Variants in LXN observed in about 807,000 individuals in gnomAD.
LXN encodes MUM.
In LXN, 28 loss-of-function variants were observed where a neutral mutation model predicts 29.8. The ratio of observed to expected loss-of-function variants is 0.94; its 90% CI spans 0.70 to 1.29. LXN has a LOEUF of 1.29. LXN is among the 50% of genes most tolerant of loss of function. LXN has a pLI of 0.00. For synonymous variants in LXN, 77 were observed against 89.6 expected, an observed-to-expected ratio of 0.86 and a Z score of 0.80; for missense variants, 227 against 261.7, an observed-to-expected ratio of 0.87 and a Z score of 0.92.
intron 4 of LXN, among the ~76,000 whole-genome samples, chr3:158,668,594 GATGC>G (rs1022443009): frequency 6.6e-6 from 1 of 152,206 alleles, no homozygotes; most frequent in Non-Finnish European, 1.5e-5. Context: ...TGATTACCGT[GATGC>G]TTTTTGAAAG....
chr3:158,672,592 A>C lies in LXN; in HGVS notation c.-114T>G. ...CCGGTTGCCGAGGCGGAAAAGTCGC[A>C]AGCTCCTTCAGTCAGTCTTCTTCCT... On this transcript the variant is annotated 5_prime_UTR_variant, in exon 1 of 6. Transcript: ENST00000264265. 3 of 1,310,814 alleles carry C rather than the reference A, an allele frequency of 2.3e-6. No individual in the cohort carries two copies. The highest frequency in any genetic ancestry group is 3.8e-5 in the Admixed American group (2 of 52,162). The allele number at this position is 1,310,814 out of a possible 1,614,324, so 81.2% of individuals were successfully genotyped here. A position where few individuals can be genotyped will look rare whatever the true frequency, so the allele number is the denominator to read the frequency against.
At chr3:158,666,916 T>G in intron 5 of LXN, 96 bp downstream of exon 5, 7 of 1,520,078 alleles carry the variant, frequency 4.6e-6, no homozygotes, top group Non-Finnish European at 5.3e-6. Context: ...TTTACATGAA[T>G]TCTGATTTAG....
At chr3:158,669,212 C>A in intron 3 of LXN, 80 bp from the exon 4 acceptor site, 1 of 1,405,416 alleles carries the variant, frequency 7.1e-7, no homozygotes, top group South Asian at 1.3e-5. Context: ...TAAATCATGT[C>A]TTAGTTTCCT....
rs1171176845 is a variant in LXN at position 158,666,495 on chromosome 3, T to C, written c.*151A>G. On this transcript the variant is annotated 3_prime_UTR_variant, in exon 6 of 6. Transcript: ENST00000264265. ...AAGACATTTTTATGTAGTGATACTT[T>C]GTATTATGGACTCTATAAAGTTCTA... 8.8e-7 allele frequency: 1 copy of C among 1,136,012 alleles called. No individual in the cohort carries two copies. Among genetic ancestry groups the C allele is most frequent in the Non-Finnish European group, 1.3e-6 (1 of 753,050 alleles). The allele number at this position is 1,136,012 out of a possible 1,614,324, so 70.4% of individuals were successfully genotyped here. A position where few individuals can be genotyped will look rare whatever the true frequency, so the allele number is the denominator to read the frequency against.
chr3:158,666,590 G>T lies in LXN; in HGVS notation c.*56C>A, dbSNP rs997262311. 6 of 1,468,504 alleles carry T rather than the reference G, an allele frequency of 4.1e-6. No homozygotes were observed. The highest frequency in any genetic ancestry group is 1.4e-5 in the African/African-American group (1 of 71,692). 91.0% of individuals were successfully genotyped at this position (1,468,504 alleles called of 1,614,324 possible). On this transcript the variant is annotated 3_prime_UTR_variant, in exon 6 of 6. Coordinates refer to ENST00000264265, the MANE Select transcript of LXN (RefSeq NM_020169.4). ...TTGGCCTCATAAGCTAGATGCCAGT[G>T]AAATTGGCATACACATCAATAGACA...
At chr3:158,669,161 C>CAT (rs1487611895) in intron 3 of LXN, 29 bp from the exon 4 acceptor site, 2 of 1,589,582 alleles carry the variant, frequency 1.3e-6, no homozygotes, top group African/African-American at 1.4e-5. Context: ...ATATGATAAT[C>CAT]ATATATATAG....
chr3:158,672,007 A>G (rs1484604455), intron 1 of LXN, among the ~76,000 whole-genome samples: 1 of 152,180 alleles, frequency 6.6e-6, no homozygotes, highest in Admixed American at 6.5e-5. Context: ...CAGATGAGAA[A>G]CGTGGCAGCC....
At chr3:158,671,227 GT>G (rs1252859477) in intron 1 of LXN, among the ~76,000 whole-genome samples, 2 of 152,146 alleles carry the variant, frequency 1.3e-5, no homozygotes, top group African/African-American at 2.4e-5. Flanking sequence ...AAACAAAAGA[GT>G]AGGATAAAAG....
Position 158,672,603 on chromosome 3 carries a change from G to GTCTGTCTTCTTCC in LXN, c.-126_-125insGGAAGAAGACAGA, listed in dbSNP as rs1411882785. 12 of 1,187,724 alleles carry GTCTGTCTTCTTCC rather than the reference G, an allele frequency of 1.0e-5. No individual in the cohort carries two copies. In the African/African-American group the frequency reaches 1.8e-4, roughly 18 times the overall value. The allele number at this position is 1,187,724 out of a possible 1,614,324, so 73.6% of individuals were successfully genotyped here. On this transcript the variant is annotated 5_prime_UTR_variant, in exon 1 of 6. Transcript: ENST00000264265. ...GGCGGAAAAGTCGCAAGCTCCTTCA[G>GTCTGTCTTCTTCC]TCAGTCTTCTTCCTCAGCTCCTTCC...
chr3:158,666,552 A>T lies in LXN; in HGVS notation c.*94T>A. On this transcript the variant is annotated 3_prime_UTR_variant, in exon 6 of 6. Coordinates refer to ENST00000264265, the MANE Select transcript of LXN (RefSeq NM_020169.4). ...AATCAAGACATTTATATAAAGTGAC[A>T]CTTTGGGATTATTTGGCCTCATAAG... 8.1e-7 allele frequency: 1 copy of T among 1,236,454 alleles called. No homozygotes were observed. The highest frequency in any genetic ancestry group is 1.2e-6 in the Non-Finnish European group (1 of 844,074). 76.6% of individuals were successfully genotyped at this position (1,236,454 alleles called of 1,614,324 possible).
intron 4 of LXN, 94 bp from the exon 5 acceptor site, chr3:158,667,168 T>C: frequency 7.8e-7 from 1 of 1,275,114 alleles, no homozygotes; most frequent in Non-Finnish European, 1.0e-6. Flanking sequence ...TAGATGAATA[T>C]AATATTTCCA....
rs116224250 is a variant in LXN, at chr3:158,672,441, G to T, written c.38C>A (p.Ala13Glu). 9 of 1,614,042 alleles carry T rather than the reference G, an allele frequency of 5.6e-6. No individual in the cohort carries two copies. Among genetic ancestry groups the T allele is most frequent in the Non-Finnish European group, 6.8e-6 (8 of 1,179,946 alleles). ...GATGTAGTTCTGTGCCACCAAGGCC[G>T]CCCTGGAGGCTGGGTAGTTGGTCGG... is the stretch of plus-strand genomic sequence containing the variant. ...IPPTNYPASRAALVAQNYINY... is the reference protein window; with the variant it reads ...IPPTNYPASREALVAQNYINY... Residue 13 changes from alanine to glutamate, a missense_variant, in exon 1 of 6, where the codon GCG (alanine) becomes GAG (glutamate). Ala to Glu is a moderately radical substitution (Grantham distance 107). Coordinates refer to ENST00000264265, the MANE Select transcript of LXN (RefSeq NM_020169.4).
At chr3:158,669,311 G>A in intron 3 of LXN, 122 bp downstream of exon 3, 6 of 1,197,616 alleles carry the variant, frequency 5.0e-6, no homozygotes, top group Non-Finnish European at 6.9e-6. Flanking sequence ...TTAGAAATGA[G>A]TATTTTTGCA....
At position 158,666,487 on chromosome 3, in the gene LXN, T is replaced by C. The variant is rs1723694129; in HGVS notation, c.*159A>G. ...CTGTTTTAAAGACATTTTTATGTAG[T>C]GATACTTTGTATTATGGACTCTATA... On this transcript the variant is annotated 3_prime_UTR_variant, in exon 6 of 6. Coordinates refer to ENST00000264265, the MANE Select transcript of LXN (RefSeq NM_020169.4). The C allele has an allele frequency of 1.7e-6, 2 of 1,151,562 alleles. No homozygotes were observed. The highest frequency in any genetic ancestry group is 2.6e-6 in the Non-Finnish European group (2 of 765,982). 71.3% of individuals were successfully genotyped at this position (1,151,562 alleles called of 1,614,324 possible).
Position 158,668,984 on chromosome 3 carries a change from G to T in LXN, c.507+12C>A. 1 of 1,596,670 alleles carries T rather than the reference G, an allele frequency of 6.3e-7. No individual in the cohort carries two copies. Among genetic ancestry groups the T allele is most frequent in the South Asian group, 1.1e-5 (1 of 89,034 alleles). ...AACCCCATTAATAGTGTATTTTATA[G>T]AAACTACTTACCACTTGCTTGACAG... is the stretch of plus-strand genomic sequence containing the variant. On this transcript the variant is annotated intron_variant, in intron 4 of 5. Coordinates refer to ENST00000264265, the MANE Select transcript of LXN (RefSeq NM_020169.4).
chr3:158,670,893 A>G, intron 2 of LXN, 64 bp downstream of exon 2: 1 of 1,400,248 alleles, frequency 7.1e-7, no homozygotes, highest in Non-Finnish European at 9.4e-7. Flanking sequence ...ATGTTCTGCC[A>G]CTGCACTTCA....
chr3:158,672,060 A>T (rs1297522916), intron 1 of LXN, among the ~76,000 whole-genome samples: 2 of 152,128 alleles, frequency 1.3e-5, no homozygotes, highest in African/African-American at 4.8e-5. Context: ...CACTTAAGGA[A>T]AGTGCTGCCC....
rs75797242 is a variant in LXN at position 158,672,084 on chromosome 3, T to C, written c.129+266A>G. 4.7e-4 allele frequency among the ~76,000 whole-genome samples: 72 copies of C among 152,336 alleles called. No homozygotes were observed. In the South Asian group the frequency reaches 0.012, roughly 25 times the overall value. On this transcript the variant is annotated intron_variant, in intron 1 of 5. Coordinates refer to ENST00000264265, the MANE Select transcript of LXN (RefSeq NM_020169.4). ...AAAGTGCTGCCCCTTACCTAGAGCGTGTTCCCGTTTTCTTGTAACTGTGTG... is the reference window on the plus strand; with the variant it reads ...AAAGTGCTGCCCCTTACCTAGAGCGCGTTCCCGTTTTCTTGTAACTGTGTG...
chr3:158,671,011 T>TA lies in LXN; in HGVS notation c.137_138insT (p.Gly47ArgfsTer5). 3 of 1,530,202 alleles carry TA rather than the reference T, an allele frequency of 2.0e-6. No homozygotes were observed. The highest frequency in any genetic ancestry group is 2.6e-6 in the Non-Finnish European group (3 of 1,142,740). 94.8% of individuals were successfully genotyped at this position (1,530,202 alleles called of 1,614,324 possible). On this transcript the variant is annotated frameshift_variant, in exon 2 of 6. Transcript: ENST00000264265. LOFTEE classifies it high-confidence loss of function. ...TAAGGTGATACTTATGTCCTCTTCC[T>TA]GGAATATCCTAAAATTAAGAAAATG... is the stretch of plus-strand genomic sequence containing the variant.
Sources: allele counts gnomAD v4.1 joint callset (sites outside exome capture counted in the v4.1 genomes callset), GRCh38; gene constraint gnomAD v4.1.1; transcripts MANE v1.5; gene names NCBI Gene and HGNC (gene_info 2026-07-23, HGNC 2026-07-21).